The following COL18A1 variants were observed in gnomAD, a reference collection of about 807,000 sequenced individuals.
The protein encoded by COL18A1 is collagen alpha-1(XVIII) chain.
Under a neutral mutation model 168.0 loss-of-function variants are expected in COL18A1, and 133 were observed. The ratio of observed to expected loss-of-function variants is 0.79; its 90% CI spans 0.69 to 0.91. The LOEUF is 0.91. Among genes scored for constraint, COL18A1 ranks in the 40% least tolerant of loss-of-function variants. The probability of loss-of-function intolerance (pLI) is 0.00; values close to 1 mark genes in which losing one functional copy is unlikely to be tolerated. For synonymous variants in COL18A1, 949 were observed against 809.0 expected, an observed-to-expected ratio of 1.17 and a Z score of -2.94; for missense variants, 2,126 against 1,925.4, an observed-to-expected ratio of 1.10 and a Z score of -1.95.
chr21:45,509,380 C>A lies in COL18A1; in HGVS notation c.3274C>A (p.Pro1092Thr). ...GGACAATGAAGTGGCCGCCTTGCAG[C>A]CCCCCGTGGTGCAGCTGCACGACAG... ...GTDNEVAALQ[P>T]PVVQLHDSNP... is the part of the protein sequence containing the mutation. Residue 1092 changes from proline (P) to threonine (T), a missense_variant, in exon 39 of 42, where the codon CCC (proline) becomes ACC (threonine). Physicochemically the swap from Pro to Thr is conservative, Grantham distance 38. Coordinates refer to ENST00000651438, the MANE Select transcript of COL18A1 (RefSeq NM_001379500.1). 1.9e-6 allele frequency: 3 copies of A among 1,541,426 alleles called. No individual in the cohort carries two copies. The highest frequency in any genetic ancestry group is 2.6e-6 in the Non-Finnish European group (3 of 1,143,350).
At chr21:45,479,877 C>T (rs751267475) in intron 9 of COL18A1, 25 bp from the exon 10 acceptor site, 44 of 1,613,012 alleles carry the variant, frequency 2.7e-5, no homozygotes, top group African/African-American at 1.2e-4. Flanking sequence ...CTTCCCTGAC[C>T]GGGCCCCCGG....
At chr21:45,496,367 T>C (rs2036544032) in intron 29 of COL18A1, 133 bp from the exon 30 acceptor site, 1 of 751,678 alleles carries the variant, frequency 1.3e-6, no homozygotes, top group Non-Finnish European at 2.5e-6. Flanking sequence ...ACCCACTGCA[T>C]TCTCGGTTTT....
chr21:45,501,157 C>T (rs1283246380), intron 32 of COL18A1, among the ~76,000 whole-genome samples: 1 of 151,554 alleles, frequency 6.6e-6, no homozygotes, highest in East Asian at 1.9e-4. Flanking sequence ...GAAACATGGT[C>T]AAAAATAAAT....
Position 45,493,145 on chromosome 21 carries a change from G to A in COL18A1, c.2215-18G>A, listed in dbSNP as rs371578204. On this transcript the variant is annotated intron_variant, in intron 24 of 41. Coordinates refer to ENST00000651438, the MANE Select transcript of COL18A1 (RefSeq NM_001379500.1). ...AGATGCCAGCCGCTCGGGCCTCACG[G>A]CCTGGCCTCCATTCCAGGGACCTGC... 11 of 1,552,488 alleles carry A rather than the reference G, an allele frequency of 7.1e-6. No homozygotes were observed. Among genetic ancestry groups the A allele is most frequent in the Non-Finnish European group, 9.6e-6 (11 of 1,148,234 alleles).
chr21:45,437,554 A>T (rs1164194359), intron 2 of COL18A1, among the ~76,000 whole-genome samples: 4 of 53,860 alleles, frequency 7.4e-5, no homozygotes, highest in African/African-American at 2.3e-4. Context: ...CTGCACACAC[A>T]CACACACAGA....
chr21:45,510,350 C>A, intron 40 of COL18A1, 89 bp downstream of exon 40: 1 of 1,371,874 alleles, frequency 7.3e-7, no homozygotes, highest in East Asian at 2.5e-5. Context: ...CCCTCTAGGG[C>A]CTCTGGAGGC....
chr21:45,490,375 A>T (rs1044635404), intron 20 of COL18A1, 29 bp downstream of exon 20: 1 of 1,524,802 alleles, frequency 6.6e-7, no homozygotes, highest in Non-Finnish European at 8.9e-7. Flanking sequence ...CCCAGGGTGC[A>T]GGGGGGGCGT....
chr21:45,438,594 G>A (rs980939259), intron 2 of COL18A1, among the ~76,000 whole-genome samples: 1 of 152,246 alleles, frequency 6.6e-6, no homozygotes, highest in African/African-American at 2.4e-5. Flanking sequence ...TTCAGGGCAG[G>A]AAAGGGAAAG....
At chr21:45,497,235 G>A (rs1051950922) in intron 31 of COL18A1, 143 bp downstream of exon 31, 7 of 714,654 alleles carry the variant, frequency 9.8e-6, no homozygotes, top group Admixed American at 6.0e-5. Context: ...CCCCAGTTCC[G>A]ATGACCTTGG....
intron 4 of COL18A1, among the ~76,000 whole-genome samples, chr21:45,474,479 CTGTG>C (rs72184921): frequency 4.9e-5 from 7 of 142,900 alleles, no homozygotes; most frequent in East Asian, 2.1e-4. Flanking sequence ...TGGTGTGTCT[CTGTG>C]TGTGTGGTGT....
At chr21:45,503,177 A>G (rs989010344) in intron 32 of COL18A1, among the ~76,000 whole-genome samples, 5 of 152,212 alleles carry the variant, frequency 3.3e-5, no homozygotes, top group African/African-American at 1.2e-4. Flanking sequence ...ACTAGTTTAC[A>G]GTCCCACCAA....
intron 15 of COL18A1, among the ~76,000 whole-genome samples, chr21:45,486,393 C>G (rs1439533189): frequency 1.7e-5 from 2 of 116,662 alleles, no homozygotes; most frequent in East Asian, 5.4e-4. Flanking sequence ...TCTCTTCTCC[C>G]CTCGCCTGCC....
At chr21:45,413,340 A>G (rs879421204) in intron 2 of COL18A1, among the ~76,000 whole-genome samples, 2 of 152,270 alleles carry the variant, frequency 1.3e-5, no homozygotes, top group Non-Finnish European at 2.9e-5. Context: ...TCCGCAGGCC[A>G]GGGCGCCTGC....
At chr21:45,480,652 T>G (rs1426559901) in intron 12 of COL18A1, 48 bp from the exon 13 acceptor site, 1 of 1,611,242 alleles carries the variant, frequency 6.2e-7, no homozygotes, top group Admixed American at 1.7e-5. Context: ...TGGTCATCCC[T>G]GGTGGGTGCC....
chr21:45,437,560 A>ACT (rs1185174469), intron 2 of COL18A1, among the ~76,000 whole-genome samples: 131 of 53,368 alleles, frequency 2.5e-3, no homozygotes, highest in Middle Eastern at 0.023. Context: ...ACACACACAC[A>ACT]CAGACACAGG....
chr21:45,474,740 A>G (rs2035578968), intron 4 of COL18A1, among the ~76,000 whole-genome samples: 1 of 146,388 alleles, frequency 6.8e-6, no homozygotes, highest in African/African-American at 2.5e-5. Context: ...GGGCGTGGGC[A>G]GGAGACGCCG....
rs772968788 is a variant in COL18A1, at chr21:45,504,508, CCCCG to C, written c.2821_2824del (p.Pro941AlafsTer89). The C allele has an allele frequency of 1.3e-4, 124 of 944,846 alleles. No individual in the cohort carries two copies. Among genetic ancestry groups the C allele is most frequent in the Non-Finnish European group, 1.8e-4 (118 of 672,708 alleles). The allele number at this position is 944,846 out of a possible 1,614,324, so 58.5% of individuals were successfully genotyped here. On this transcript the variant is annotated frameshift_variant, in exon 34 of 42. Transcript: ENST00000651438. LOFTEE classifies it high-confidence loss of function. ...TCTTCGGCTCCAGCCTGCCCGGCCC[CCCCG>C]GCCCCCCAGGCCCCCCAGGCCCACG...
At chr21:45,511,437 G>T (rs1299153629) in intron 41 of COL18A1, among the ~76,000 whole-genome samples, 1 of 152,238 alleles carries the variant, frequency 6.6e-6, no homozygotes, top group Non-Finnish European at 1.5e-5. Flanking sequence ...CCAGGTAGTT[G>T]TAAGAAGGCC....
At chr21:45,470,589 C>T (rs548733716) in intron 3 of COL18A1, among the ~76,000 whole-genome samples, 13 of 150,586 alleles carry the variant, frequency 8.6e-5, no homozygotes, top group East Asian at 3.9e-4. Context: ...CAGGTTCATG[C>T]GATTCTTCTG....
Sources: allele counts gnomAD v4.1 joint callset (sites outside exome capture counted in the v4.1 genomes callset), GRCh38; gene constraint gnomAD v4.1.1; transcripts MANE v1.5; gene names NCBI Gene and HGNC (gene_info 2026-07-23, HGNC 2026-07-21).